CAMTA1: variants seen among roughly 807,000 people sequenced by gnomAD.
CAMTA1 encodes calmodulin binding transcription activator 1.
CAMTA1 carries 27 observed loss-of-function variants against 170.9 expected under a neutral mutation model. The observed-to-expected ratio is 0.16, with a 90% CI of 0.12 to 0.22. The LOEUF is 0.22. CAMTA1 is among the 10% of genes least tolerant of loss of function. The probability of loss-of-function intolerance (pLI) is 1.00; values close to 1 mark genes in which losing one functional copy is unlikely to be tolerated. For synonymous variants in CAMTA1, 833 were observed against 891.5 expected, an observed-to-expected ratio of 0.93 and a Z score of 1.17; for missense variants, 1,619 against 2,217.2, an observed-to-expected ratio of 0.73 and a Z score of 5.42.
intron 6 of CAMTA1, among the ~76,000 whole-genome samples, chr1:7,571,120 G>A (rs906782224): frequency 2.0e-5 from 3 of 152,172 alleles, no homozygotes; most frequent in Admixed American, 6.5e-5. Flanking sequence ...ACATAAACTA[G>A]GCAGCTTTCA....
At chr1:6,825,305 A>G in intron 3 of CAMTA1, 95 bp downstream of exon 3, 2 of 637,418 alleles carry the variant, frequency 3.1e-6, no homozygotes, top group South Asian at 4.2e-5. Context: ...CTTTAAATTT[A>G]AAATACTGAT....
chr1:7,647,729 G>A (rs568090417), intron 7 of CAMTA1, among the ~76,000 whole-genome samples: 23 of 152,236 alleles, frequency 1.5e-4, no homozygotes, highest in Non-Finnish European at 2.4e-4. Flanking sequence ...TGGGAGCTCC[G>A]AGCCTGACTA....
chr1:7,521,334 T>A (rs2094362506), intron 6 of CAMTA1, among the ~76,000 whole-genome samples: 1 of 152,136 alleles, frequency 6.6e-6, no homozygotes, highest in African/African-American at 2.4e-5. Flanking sequence ...CACAGAGAGC[T>A]CCCAAGTACT....
intron 6 of CAMTA1, among the ~76,000 whole-genome samples, chr1:7,563,886 C>T (rs534519604): frequency 6.6e-6 from 1 of 152,214 alleles, no homozygotes; most frequent in African/African-American, 2.4e-5. Flanking sequence ...GACATAAGAA[C>T]AGGAGAGCTA....
intron 5 of CAMTA1, among the ~76,000 whole-genome samples, chr1:7,377,900 G>A (rs2086967489): frequency 6.6e-6 from 1 of 152,114 alleles, no homozygotes; most frequent in Non-Finnish European, 1.5e-5. Flanking sequence ...CAGTCTGGGT[G>A]ACAGAGTGAG....
intron 4 of CAMTA1, among the ~76,000 whole-genome samples, chr1:7,149,391 A>G (rs1365929563): frequency 6.6e-6 from 1 of 152,012 alleles, no homozygotes; most frequent in African/African-American, 2.4e-5. Context: ...GACTTTGCTC[A>G]TTTTCTGCCC....
chr1:7,256,811 A>AT (rs1297925654), intron 5 of CAMTA1, among the ~76,000 whole-genome samples: 2 of 151,936 alleles, frequency 1.3e-5, no homozygotes, highest in Admixed American at 6.6e-5. Context: ...TTCCTGGTGC[A>AT]TTTTGGTGTC....
chr1:6,929,355 T>TG (rs1557843303), intron 3 of CAMTA1, among the ~76,000 whole-genome samples: 45 of 151,232 alleles, frequency 3.0e-4, no homozygotes, highest in African/African-American at 9.5e-4. Context: ...AATTTTTTTT[T>TG]TTTTGTTTGT....
intron 4 of CAMTA1, among the ~76,000 whole-genome samples, chr1:7,183,813 A>G (rs1026095804): frequency 1.3e-5 from 2 of 152,214 alleles, no homozygotes; most frequent in African/African-American, 4.8e-5. Flanking sequence ...TGCACACTCT[A>G]TGCTTTCTTA....
At chr1:7,554,891 T>C (rs1412334394) in intron 6 of CAMTA1, among the ~76,000 whole-genome samples, 2 of 151,662 alleles carry the variant, frequency 1.3e-5, no homozygotes, top group African/African-American at 2.4e-5. Flanking sequence ...AGCCAGATGG[T>C]GGGGGCCCAA....
At chr1:6,994,024 AT>A (rs1372577172) in intron 3 of CAMTA1, among the ~76,000 whole-genome samples, 4 of 152,098 alleles carry the variant, frequency 2.6e-5, no homozygotes, top group African/African-American at 9.7e-5. Context: ...TGTAATGTAT[AT>A]TCTTAACTTT....
chr1:6,800,185 T>G (rs1278788612), intron 1 of CAMTA1, among the ~76,000 whole-genome samples: 1 of 152,016 alleles, frequency 6.6e-6, no homozygotes, highest in Non-Finnish European at 1.5e-5. Flanking sequence ...ACGGGAGGAT[T>G]GCTTTAGCCC....
intron 5 of CAMTA1, among the ~76,000 whole-genome samples, chr1:7,310,640 C>CT (rs1404536435): frequency 1.7e-4 from 6 of 35,784 alleles, no homozygotes; most frequent in African/African-American, 7.2e-4. Context: ...TTCTTTCTTT[C>CT]TTTCTTTTTT....
intron 6 of CAMTA1, among the ~76,000 whole-genome samples, chr1:7,509,905 G>A (rs1165251798): frequency 6.6e-6 from 1 of 151,882 alleles, no homozygotes; most frequent in Non-Finnish European, 1.5e-5. Flanking sequence ...ACAAGGCCAT[G>A]AAGCTTTTTA....
At chr1:6,866,865 A>G (rs930472190) in intron 3 of CAMTA1, among the ~76,000 whole-genome samples, 1 of 152,216 alleles carries the variant, frequency 6.6e-6, no homozygotes, top group South Asian at 2.1e-4. Flanking sequence ...ATGTATTTCT[A>G]TATTCATAAA....
intron 5 of CAMTA1, among the ~76,000 whole-genome samples, chr1:7,409,813 C>A (rs2090579754): frequency 6.6e-6 from 1 of 152,208 alleles, no homozygotes; most frequent in Non-Finnish European, 1.5e-5. Flanking sequence ...CCTCATTTTT[C>A]TCTCCTGGGC....
chr1:7,736,408 A>T lies in CAMTA1; in HGVS notation c.3131A>T (p.Lys1044Met), dbSNP rs200264124. 1.9e-6 allele frequency: 3 copies of T among 1,613,946 alleles called. No homozygotes were observed. The highest frequency in any genetic ancestry group is 2.5e-6 in the Non-Finnish European group (3 of 1,180,022). Reference sequence around the variant, plus strand: ...AGCCGTGTGGTCGTGGTATGCGAGAAGATGATGAGCCGAGCCTGCTGGGCG... The same window carrying T: ...AGCCGTGTGGTCGTGGTATGCGAGATGATGATGAGCCGAGCCTGCTGGGCG... ...FESRVVVVCE[K>M]MMSRACWAKS... The change falls in exon 13 of 23, where the codon AAG becomes ATG. Residue 1044 changes from lysine (K) to methionine (M), a missense_variant. Physicochemically the swap from Lys to Met is moderately conservative, Grantham distance 95. Coordinates refer to ENST00000303635, the MANE Select transcript of CAMTA1 (RefSeq NM_015215.4). The surrounding 1 kb of genome is among the most constrained non-coding windows in gnomAD (Gnocchi z 4.5).
chr1:7,122,079 A>G (rs1368793431), intron 4 of CAMTA1, among the ~76,000 whole-genome samples: 1 of 151,952 alleles, frequency 6.6e-6, no homozygotes, highest in Non-Finnish European at 1.5e-5. Flanking sequence ...GGGAAAGGCC[A>G]TGGAGTGTTC....
chr1:6,924,777 C>T (rs927639964), intron 3 of CAMTA1, among the ~76,000 whole-genome samples: 1 of 152,218 alleles, frequency 6.6e-6, no homozygotes, highest in Non-Finnish European at 1.5e-5. Flanking sequence ...CCTATGAATA[C>T]CCTTTCTATT....
Sources: gnomAD v4.1 joint callset for allele counts (sites outside exome capture counted in the v4.1 genomes callset) on GRCh38, gnomAD v4.1.1 for gene constraint, Gnocchi (gnomAD v3.1) non-coding constraint, MANE v1.5 for transcripts, NCBI Gene and HGNC (gene_info 2026-07-23, HGNC 2026-07-21) for gene names.